The following MAP3K15 variants were observed in gnomAD, a reference collection of about 807,000 sequenced individuals.
MAP3K15 encodes mitogen-activated protein kinase kinase kinase 15, also known as MAPK/ERK kinase kinase 15.
MAP3K15 carries 124 observed loss-of-function variants against 99.5 expected under a neutral mutation model. That is an observed-to-expected ratio of 1.25 (90% CI 1.08 to 1.45). The LOEUF (loss-of-function observed/expected upper bound fraction) is 1.45, where lower values mean the gene tolerates loss of function less well. MAP3K15 is among the 40% of genes most tolerant of loss of function. The pLI, the probability that MAP3K15 is intolerant of heterozygous loss-of-function variation, is 0.00. For missense variants in MAP3K15, 1,242 were observed against 1,079.7 expected (o/e 1.15, Z -2.11); for synonymous variants, 494 against 439.6 (o/e 1.12, Z -1.55).
chrX:19,512,484 GTTTA>G (rs2064526296), intron 1 of MAP3K15, among the ~76,000 whole-genome samples: 1 of 110,649 alleles, frequency 9.0e-6, no homozygotes, highest in South Asian at 3.8e-4. Context: ...GCATTTATTC[GTTTA>G]TTTAGAGACA....
chrX:19,394,544 T>G (rs1010470962), intron 16 of MAP3K15, among the ~76,000 whole-genome samples: 3 of 111,492 alleles, frequency 2.7e-5, no homozygotes, highest in Non-Finnish European at 5.6e-5. Flanking sequence ...TGATGCTTGA[T>G]TTCATTATCA....
intron 13 of MAP3K15, among the ~76,000 whole-genome samples, chrX:19,405,037 C>A (rs1354949844): frequency 9.1e-6 from 1 of 110,179 alleles, no homozygotes; most frequent in Admixed American, 9.7e-5. Context: ...AAATTAAAAA[C>A]TTTCGTGCTG....
intron 18 of MAP3K15, among the ~76,000 whole-genome samples, chrX:19,390,895 A>T (rs182802605): frequency 3.1e-3 from 346 of 110,783 alleles, no homozygotes; most frequent in African/African-American, 0.011. Context: ...TCCTTGGGGG[A>T]CTATAAACCT....
chrX:19,394,916 T>C (rs1401558076), intron 16 of MAP3K15, among the ~76,000 whole-genome samples, 165 bp downstream of exon 16: 1 of 100,624 alleles, frequency 9.9e-6, no homozygotes, highest in Non-Finnish European at 2.0e-5. Flanking sequence ...CTTGACCTCA[T>C]GGGCTCAAGT....
At chrX:19,465,922 C>G (rs1299932415) in intron 3 of MAP3K15, among the ~76,000 whole-genome samples, 2 of 108,098 alleles carry the variant, frequency 1.9e-5, no homozygotes, top group Non-Finnish European at 3.8e-5. Context: ...AATTGCCTAC[C>G]CCACAGGAAC....
At chrX:19,493,181 G>A (rs745306744) in intron 1 of MAP3K15, among the ~76,000 whole-genome samples, 12 of 109,706 alleles carry the variant, frequency 1.1e-4, no homozygotes, top group Non-Finnish European at 1.9e-4. Context: ...AGGCAACCTT[G>A]AACGTGGCAG....
At chrX:19,374,686 T>C in intron 19 of MAP3K15, 26 bp from the exon 20 acceptor site, 2 of 1,183,286 alleles carry the variant, frequency 1.7e-6, no homozygotes, top group East Asian at 3.0e-5. Context: ...AGGTAACCGA[T>C]GTGTCAGTGA....
In MAP3K15 at chrX:19,482,179, C is replaced by CAAAAAAAAAAAAAAAAAAAAAA. The variant is rs34191166; in HGVS notation, c.525+4302_525+4303insTTTTTTTTTTTTTTTTTTTTTT. ...TGGGCGACAGAGTGAGATTCCAGCT[C>CAAAAAAAAAAAAAAAAAAAAAA]AAAAAAAAAAAAAAAAAGCCTATAT... On this transcript the variant is annotated intron_variant, in intron 3 of 28. Transcript: ENST00000338883. 19 of 31,463 alleles carry CAAAAAAAAAAAAAAAAAAAAAA rather than the reference C, an allele frequency of 6.0e-4. 1 individual carries two copies. Among genetic ancestry groups the CAAAAAAAAAAAAAAAAAAAAAA allele is most frequent in the African/African-American group, 1.7e-3 (16 of 9,379 alleles). 2.6% of individuals were successfully genotyped at this position (31,463 alleles called of 1,213,427 possible). A position where few individuals can be genotyped will look rare whatever the true frequency, so the allele number is the denominator to read the frequency against.
Position 19,413,450 on chromosome X carries a change from C to T in MAP3K15, c.1605G>A (p.Glu535=). The T allele has an allele frequency of 8.3e-7, 1 of 1,201,495 alleles. No individual in the cohort carries two copies. The highest frequency in any genetic ancestry group is 1.1e-6 in the Non-Finnish European group (1 of 888,228). The change falls in exon 11 of 29, where the codon GAG becomes GAA. Residue 535 remains glutamate (E), a synonymous_variant. Coordinates refer to ENST00000338883, the MANE Select transcript of MAP3K15 (RefSeq NM_001001671.4). ...AAGAAGGCTGGTACACTTTGGTTGG[C>T]TCTATGACCAGAACCTGAAACAAGA... ...NGLRFPVLVI[E]PTKVYQPSYV...
chrX:19,463,901 T>TAA (rs377474569), intron 4 of MAP3K15, among the ~76,000 whole-genome samples: 1 of 102,942 alleles, frequency 9.7e-6, no homozygotes, highest in Non-Finnish European at 2.0e-5. Flanking sequence ...AAGAGATCGT[T>TAA]AAAAAAAAAA....
intron 4 of MAP3K15, among the ~76,000 whole-genome samples, chrX:19,463,287 G>C (rs2064144253): frequency 9.0e-6 from 1 of 111,727 alleles, no homozygotes; most frequent in Admixed American, 9.5e-5. Context: ...GATAGAAAAG[G>C]AGACCATTAA....
chrX:19,434,376 C>G (rs1421917695), intron 6 of MAP3K15, among the ~76,000 whole-genome samples: 1 of 107,063 alleles, frequency 9.3e-6, no homozygotes, highest in African/African-American at 3.5e-5. Flanking sequence ...AGGTGTGCAC[C>G]ACCACACCCA....
At chrX:19,471,269 A>ATT (rs3057535) in intron 3 of MAP3K15, among the ~76,000 whole-genome samples, 344 of 102,243 alleles carry the variant, frequency 3.4e-3, no homozygotes, top group African/African-American at 3.9e-3. Flanking sequence ...CCTAAATATG[A>ATT]TTTTTTTTTT....
chrX:19,443,951 A>G (rs2063977647), intron 6 of MAP3K15, among the ~76,000 whole-genome samples: 1 of 111,190 alleles, frequency 9.0e-6, no homozygotes, highest in Non-Finnish European at 1.9e-5. Context: ...CCCAAGTAAT[A>G]GCCATTTTTC....
chrX:19,458,156 C>T (rs1214394307), intron 5 of MAP3K15, among the ~76,000 whole-genome samples: 7 of 112,035 alleles, frequency 6.2e-5, no homozygotes, highest in Admixed American at 3.8e-4. Context: ...TGTCCTGTGG[C>T]TCTGCGCCTT....
chrX:19,411,370 T>C (rs2063686141), intron 11 of MAP3K15, among the ~76,000 whole-genome samples: 1 of 111,777 alleles, frequency 8.9e-6, no homozygotes, highest in South Asian at 3.7e-4. Context: ...ACTGGGAAGA[T>C]GGTTTCCGAT....
intron 18 of MAP3K15, among the ~76,000 whole-genome samples, chrX:19,387,703 G>A (rs2063501914): frequency 9.0e-6 from 1 of 111,557 alleles, no homozygotes; most frequent in African/African-American, 3.3e-5. Flanking sequence ...GGAATCCTGG[G>A]AGTCTCTCTC....
intron 1 of MAP3K15, among the ~76,000 whole-genome samples, chrX:19,493,225 G>C (rs1397879322): frequency 9.2e-6 from 1 of 109,066 alleles, no homozygotes; most frequent in East Asian, 2.9e-4. Flanking sequence ...TTTTGATCAA[G>C]TGACATGAAG....
At chrX:19,368,964 G>A in intron 25 of MAP3K15, 90 bp downstream of exon 25, 1 of 971,946 alleles carries the variant, frequency 1.0e-6, no homozygotes, top group Non-Finnish European at 1.3e-6. Context: ...GGGTGAGATG[G>A]TCAACAATAA....
Sources: allele counts gnomAD v4.1 joint callset (sites outside exome capture counted in the v4.1 genomes callset), GRCh38; gene constraint gnomAD v4.1.1; transcripts MANE v1.5; gene names NCBI Gene and HGNC (gene_info 2026-07-23, HGNC 2026-07-21).